CORO7: variants seen among roughly 807,000 people sequenced by gnomAD.
CORO7 encodes the protein coronin 7, also known as coronin-7.
CORO7 carries 107 observed loss-of-function variants against 126.6 expected under a neutral mutation model. The observed-to-expected ratio is 0.85, with a 90% CI of 0.72 to 0.99. The LOEUF (loss-of-function observed/expected upper bound fraction) is 0.99, where lower values mean the gene tolerates loss of function less well. Among genes scored for constraint, CORO7 ranks in the 50% least tolerant of loss-of-function variants. CORO7 has a pLI of 0.00. For missense variants in CORO7, 1,314 were observed against 1,255.8 expected (o/e 1.05, Z -0.70); for synonymous variants, 603 against 536.8 (o/e 1.12, Z -1.70).
At chr16:4,390,284 A>G (rs377210634) in intron 7 of CORO7, among the ~76,000 whole-genome samples, 54 of 152,156 alleles carry the variant, frequency 3.5e-4, no homozygotes, top group East Asian at 3.1e-3. Flanking sequence ...AAAGCACTGT[A>G]ACAGAATTTA....
Position 4,361,048 on chromosome 16 carries a change from T to G in CORO7, c.1812A>C (p.Pro604=), listed in dbSNP as rs1397987412. The G allele has an allele frequency of 6.2e-7, 1 of 1,613,202 alleles. No individual in the cohort carries two copies. The highest frequency in any genetic ancestry group is 1.1e-5 in the South Asian group (1 of 91,094). The change falls in exon 19 of 28, where the codon CCA becomes CCC. Residue 604 remains proline, a synonymous_variant. Coordinates refer to ENST00000251166, the MANE Select transcript of CORO7 (RefSeq NM_024535.5). ...TEKICSLRFH[P]LAANVLASSS... ...ACGAGGCCAGCACATTGGCTGCCAG[T>G]GGGTGGAAGCGCAGGGAGCAGATCT...
At chr16:4,415,638 C>A in intron 1 of CORO7, 1 of 897,960 alleles carries the variant, frequency 1.1e-6, no homozygotes, top group Non-Finnish European at 1.3e-6. Flanking sequence ...ACTGCCCTGA[C>A]TTGCTCTGGG....
chr16:4,404,471 G>T (rs1033069797), intron 6 of CORO7, among the ~76,000 whole-genome samples: 2 of 152,162 alleles, frequency 1.3e-5, no homozygotes, highest in Non-Finnish European at 2.9e-5. Flanking sequence ...TATGTGGTCA[G>T]CAAATCAAAC....
chr16:4,405,702 G>A (rs1396746383), intron 5 of CORO7, 135 bp from the exon 6 acceptor site: 1 of 1,036,726 alleles, frequency 9.6e-7, no homozygotes, highest in Admixed American at 2.6e-5. Context: ...AGGGGGCAAG[G>A]GCAGCAGCTT....
intron 9 of CORO7, among the ~76,000 whole-genome samples, chr16:4,376,054 G>A (rs539320605): frequency 3.9e-5 from 6 of 152,280 alleles, no homozygotes; most frequent in African/African-American, 1.4e-4. Context: ...GACACCCATG[G>A]GGACCCCCGC....
intron 9 of CORO7, among the ~76,000 whole-genome samples, chr16:4,366,497 C>T (rs73507262): frequency 0.042 from 6,410 of 151,366 alleles, 163 homozygotes; most frequent in Admixed American, 0.092. Flanking sequence ...TGCCCAGATG[C>T]CCAGTTGCCT....
intron 6 of CORO7, among the ~76,000 whole-genome samples, chr16:4,401,911 CTTT>C (rs58167321): frequency 1.4e-4 from 19 of 139,888 alleles, no homozygotes; most frequent in African/African-American, 4.7e-4. Context: ...TCTTTTTTTC[CTTT>C]TTTTTTTTTT....
At chr16:4,365,733 AC>A (rs2054327952) in intron 9 of CORO7, among the ~76,000 whole-genome samples, 188 bp from the exon 10 acceptor site, 1 of 151,632 alleles carries the variant, frequency 6.6e-6, no homozygotes, top group African/African-American at 2.4e-5. Context: ...ACACGCCCAC[AC>A]CCCAGCTGCT....
intron 9 of CORO7, chr16:4,381,108 C>T: frequency 6.2e-7 from 1 of 1,608,952 alleles, no homozygotes; most frequent in Non-Finnish European, 8.5e-7. Flanking sequence ...GCCTGCCGGG[C>T]CTGCAGCTCC....
intron 23 of CORO7, 92 bp downstream of exon 23, chr16:4,359,204 G>C: frequency 7.2e-7 from 1 of 1,385,398 alleles, no homozygotes. Context: ...TCTGACCCCC[G>C]ACCCACAGGC....
intron 9 of CORO7, among the ~76,000 whole-genome samples, chr16:4,374,900 T>G (rs1223492214): frequency 6.6e-6 from 1 of 152,058 alleles, no homozygotes; most frequent in Non-Finnish European, 1.5e-5. Flanking sequence ...TCAGGGTTAA[T>G]TGCAGGTTAG....
intron 9 of CORO7, among the ~76,000 whole-genome samples, chr16:4,385,293 G>A (rs752870825): frequency 6.6e-5 from 10 of 152,296 alleles, no homozygotes; most frequent in Middle Eastern, 3.4e-3. Flanking sequence ...CATGCTCACA[G>A]TAAGTGGAGA....
At chr16:4,380,354 A>G (rs567271665) in intron 9 of CORO7, among the ~76,000 whole-genome samples, 3 of 152,220 alleles carry the variant, frequency 2.0e-5, no homozygotes, top group Admixed American at 6.5e-5. Flanking sequence ...CATAGTTTCC[A>G]TGTGAAGTCT....
intron 6 of CORO7, among the ~76,000 whole-genome samples, chr16:4,400,828 A>AATAATAATAATAATC (rs2055774557): frequency 6.7e-6 from 1 of 149,948 alleles, no homozygotes; most frequent in Non-Finnish European, 1.5e-5. Context: ...TAATAATAAT[A>AATAATAATAATAATC]ATAATGTTTA....
chr16:4,362,643 G>C lies in CORO7; in HGVS notation c.1371C>G (p.Ser457Arg). The change falls in exon 15 of 28, where the codon AGC (serine) becomes AGG (arginine). Residue 457 changes from serine (S) to arginine (R), a missense_variant. By Grantham distance (110) the Ser-to-Arg change is moderately radical (BLOSUM62 -1). Coordinates refer to ENST00000251166, the MANE Select transcript of CORO7 (RefSeq NM_024535.5). The surrounding 1 kb of genome is among the most constrained non-coding windows in gnomAD (Gnocchi z 5.3). Reference sequence around the variant, plus strand: ...GGCTCTGCAGCGACCTCAAACTGGGGCTGGTCCCGATGCCACTGGTGCTGG... The same window carrying C: ...GGCTCTGCAGCGACCTCAAACTGGGCCTGGTCCCGATGCCACTGGTGCTGG... ...SLSSTSGIGTSPSLRSLQSLL... is the reference protein window; with the variant it reads ...SLSSTSGIGTRPSLRSLQSLL... The C allele has an allele frequency of 6.4e-7, 1 of 1,560,548 alleles. No individual in the cohort carries two copies. The highest frequency in any genetic ancestry group is 8.7e-7 in the Non-Finnish European group (1 of 1,155,956).
chr16:4,414,815 C>T (rs150859112), intron 1 of CORO7, among the ~76,000 whole-genome samples: 220 of 152,256 alleles, frequency 1.4e-3, no homozygotes, highest in Admixed American at 0.013. Context: ...TCAGAGCCAC[C>T]GGCTGTCTTG....
At chr16:4,360,061 G>C (rs549584101) in intron 21 of CORO7, among the ~76,000 whole-genome samples, 1 of 138,662 alleles carries the variant, frequency 7.2e-6, no homozygotes, top group South Asian at 2.6e-4. Flanking sequence ...CCAGCCATCC[G>C]CCCATCTATC....
At chr16:4,393,847 T>A (rs890827057) in intron 7 of CORO7, among the ~76,000 whole-genome samples, 2 of 152,304 alleles carry the variant, frequency 1.3e-5, no homozygotes, top group Non-Finnish European at 2.9e-5. Flanking sequence ...ACGTCTGTAA[T>A]CCCAGCACTT....
chr16:4,362,255 A>G lies in CORO7; in HGVS notation c.1403-95T>C, dbSNP rs1170526227. On this transcript the variant is annotated intron_variant, in intron 15 of 27. Coordinates refer to ENST00000251166, the MANE Select transcript of CORO7 (RefSeq NM_024535.5). The surrounding 1 kb of genome is among the most constrained non-coding windows in gnomAD (Gnocchi z 5.3). Reference sequence around the variant, plus strand: ...CCCGGCTGCCCACTCCCCTCACCCCAGGTGGATGTACAGCATGGACCTAGG... The same window carrying G: ...CCCGGCTGCCCACTCCCCTCACCCCGGGTGGATGTACAGCATGGACCTAGG... The G allele has an allele frequency of 6.8e-7, 1 of 1,480,416 alleles. No homozygotes were observed. Among genetic ancestry groups the G allele is most frequent in the Non-Finnish European group, 9.0e-7 (1 of 1,109,504 alleles). The allele number at this position is 1,480,416 out of a possible 1,614,324, so 91.7% of individuals were successfully genotyped here. A position where few individuals can be genotyped will look rare whatever the true frequency, so the allele number is the denominator to read the frequency against.
Sources: gnomAD v4.1 joint callset for allele counts (sites outside exome capture counted in the v4.1 genomes callset) on GRCh38, gnomAD v4.1.1 for gene constraint, Gnocchi (gnomAD v3.1) non-coding constraint, MANE v1.5 for transcripts, NCBI Gene and HGNC (gene_info 2026-07-23, HGNC 2026-07-21) for gene names.